The following EFCAB6 variants were observed in gnomAD, a reference collection of about 807,000 sequenced individuals.
The protein encoded by EFCAB6 is EF-hand calcium-binding domain-containing protein 6.
Under a neutral mutation model 169.8 loss-of-function variants are expected in EFCAB6, and 156 were observed. That is an observed-to-expected ratio of 0.92 (90% CI 0.81 to 1.05). EFCAB6 has a LOEUF of 1.05. Among genes scored for constraint, EFCAB6 ranks in the 50% least tolerant of loss-of-function variants. The probability of loss-of-function intolerance (pLI) is 0.00; values close to 1 mark genes in which losing one functional copy is unlikely to be tolerated. For synonymous variants in EFCAB6, 698 were observed against 676.4 expected (o/e 1.03, Z -0.50); for missense variants, 1,800 against 1,829.1 (o/e 0.98, Z 0.29).
chr22:43,575,724 C>T (rs2050210781), intron 26 of EFCAB6, among the ~76,000 whole-genome samples: 1 of 152,014 alleles, frequency 6.6e-6, no homozygotes, highest in Admixed American at 6.6e-5. Flanking sequence ...GTTTAGGAAC[C>T]TGGAGTCAGG....
intron 1 of EFCAB6, among the ~76,000 whole-genome samples, chr22:43,810,495 C>A (rs1195746411): frequency 6.6e-6 from 1 of 152,168 alleles, no homozygotes; most frequent in Non-Finnish European, 1.5e-5. Context: ...CAGTTGTTAA[C>A]AACTGCCTTG....
intron 10 of EFCAB6, among the ~76,000 whole-genome samples, chr22:43,710,096 A>G (rs1226061282): frequency 6.6e-6 from 1 of 152,200 alleles, no homozygotes. Flanking sequence ...TTTCCCCCCA[A>G]AAAAGGTTCT....
chr22:43,708,335 G>A (rs917770303), intron 10 of EFCAB6, among the ~76,000 whole-genome samples: 3 of 152,042 alleles, frequency 2.0e-5, no homozygotes, highest in Non-Finnish European at 4.4e-5. Context: ...GAACACGGGA[G>A]GGAGAGGCTG....
chr22:43,576,753 G>A (rs1203535416), intron 25 of EFCAB6, among the ~76,000 whole-genome samples: 1 of 152,176 alleles, frequency 6.6e-6, no homozygotes, highest in Admixed American at 6.5e-5. Context: ...AGAATAAAGA[G>A]GAATCCTGGC....
intron 27 of EFCAB6, chr22:43,553,485 G>T (rs1446508526): frequency 6.6e-6 from 1 of 152,374 alleles, no homozygotes; most frequent in Non-Finnish European, 1.5e-5. Context: ...TCAGCCACGG[G>T]GCTGCCGAGG....
At chr22:43,701,934 A>C (rs2058780459) in intron 10 of EFCAB6, among the ~76,000 whole-genome samples, 1 of 152,168 alleles carries the variant, frequency 6.6e-6, no homozygotes, top group African/African-American at 2.4e-5. Flanking sequence ...ATGACAGAAA[A>C]GGGTTACCTT....
chr22:43,610,197 A>G (rs1344472147), intron 21 of EFCAB6, among the ~76,000 whole-genome samples: 1 of 152,236 alleles, frequency 6.6e-6, no homozygotes, highest in Non-Finnish European at 1.5e-5. Context: ...ATATTTATCA[A>G]AAGACATCAT....
chr22:43,785,696 G>C (rs568864528), intron 2 of EFCAB6, among the ~76,000 whole-genome samples: 2 of 152,104 alleles, frequency 1.3e-5, no homozygotes, highest in Admixed American at 6.5e-5. Context: ...TAGAAAAATA[G>C]ACAAAACTAA....
chr22:43,566,935 A>G (rs1251996976), intron 26 of EFCAB6, among the ~76,000 whole-genome samples: 1 of 152,086 alleles, frequency 6.6e-6, no homozygotes, highest in African/African-American at 2.4e-5. Context: ...GGCCATGCCC[A>G]AAGTGTGGTG....
chr22:43,611,381 C>A (rs2147659545), intron 21 of EFCAB6, among the ~76,000 whole-genome samples: 1 of 152,302 alleles, frequency 6.6e-6, no homozygotes. Context: ...ATTCCATGCT[C>A]ATGGATTGGG....
chr22:43,776,705 C>T (rs950166584), intron 3 of EFCAB6, among the ~76,000 whole-genome samples: 13 of 152,194 alleles, frequency 8.5e-5, no homozygotes, highest in African/African-American at 2.4e-4. Context: ...CTGGAGTGGA[C>T]GGTGTGGCAC....
chr22:43,693,073 G>A (rs1399095937), intron 10 of EFCAB6, among the ~76,000 whole-genome samples: 1 of 152,138 alleles, frequency 6.6e-6, no homozygotes, highest in Admixed American at 6.5e-5. Flanking sequence ...GTGGAAAGAT[G>A]TGGAACAATG....
At position 43,711,504 on chromosome 22, in the gene EFCAB6, T is replaced by C; in HGVS notation, c.1002A>G (p.Pro334=). 6.3e-7 allele frequency: 1 copy of C among 1,585,318 alleles called. No individual in the cohort carries two copies. Among genetic ancestry groups the C allele is most frequent in the East Asian group, 2.3e-5 (1 of 44,244 alleles). ...IVLDTFVYQI[P]RRIFIQLMKR... ...TCATTAACTGGATAAAAATTCTTCT[T>C]GGTATTTGGTATACAAAAGTGTCGA... Residue 334 remains proline (P), a synonymous_variant, in exon 10 of 32, where the codon CCA becomes CCG. Transcript: ENST00000262726.
rs1354489982 is a variant in EFCAB6, at chr22:43,744,313, TAG to T, written c.508-8322_508-8321del. On this transcript the variant is annotated intron_variant, in intron 6 of 31. Coordinates refer to ENST00000262726, the MANE Select transcript of EFCAB6 (RefSeq NM_022785.4). The surrounding 1 kb of genome is among the most constrained non-coding windows in gnomAD (Gnocchi z 4.3). ...AGATTGCAAGCCAAGACAATCCTTG[TAG>T]AGACAGGACAGGAACCTGCAAAAAG... Among the ~76,000 whole-genome samples the T allele has an allele frequency of 1.5e-4, 23 of 152,162 alleles. No homozygotes were observed. The highest frequency in any genetic ancestry group is 4.4e-5 in the Non-Finnish European group (3 of 68,008).
chr22:43,580,665 C>G lies in EFCAB6; in HGVS notation c.3033-6G>C. The G allele has an allele frequency of 6.2e-7, 1 of 1,613,022 alleles. No individual in the cohort carries two copies. The highest frequency in any genetic ancestry group is 8.5e-7 in the Non-Finnish European group (1 of 1,179,698). ...CATGCCGGCTGACTCCCCAACTTGTCCCAAAAGGAAGAAAAGAACATATTC... is the reference window on the plus strand; with the variant it reads ...CATGCCGGCTGACTCCCCAACTTGTGCCAAAAGGAAGAAAAGAACATATTC... On this transcript the variant is annotated splice_polypyrimidine_tract_variant and splice_region_variant and intron_variant, in intron 24 of 31. Transcript: ENST00000262726.
intron 25 of EFCAB6, among the ~76,000 whole-genome samples, chr22:43,577,195 T>G (rs186574313): frequency 1.4e-4 from 22 of 152,316 alleles, no homozygotes; most frequent in African/African-American, 4.6e-4. Flanking sequence ...AAATGTGCTA[T>G]AAAAAGAAAG....
chr22:43,640,288 C>G (rs2055711526), intron 17 of EFCAB6, among the ~76,000 whole-genome samples: 1 of 152,062 alleles, frequency 6.6e-6, no homozygotes, highest in Admixed American at 6.6e-5. Flanking sequence ...TGTTATAAAT[C>G]TTTATATCTA....
intron 20 of EFCAB6, among the ~76,000 whole-genome samples, chr22:43,618,210 GAAAGAAAGAAA>G (rs2053866710): frequency 7.1e-6 from 1 of 141,002 alleles, no homozygotes; most frequent in Non-Finnish European, 1.6e-5. Flanking sequence ...AAGAAAGAAA[GAAAGAAAGAAA>G]GAGAAAGAAA....
Position 43,746,868 on chromosome 22 carries a change from G to C in EFCAB6, c.507+8898C>G, listed in dbSNP as rs1011938164. Among the ~76,000 whole-genome samples the C allele has an allele frequency of 7.2e-5, 11 of 152,062 alleles. No homozygotes were observed. The South Asian group carries it at 2.1e-3, about 29-fold the overall frequency. On this transcript the variant is annotated intron_variant, in intron 6 of 31. Transcript: ENST00000262726. ...ATGGGTACTCCACCTCAGCTGCCAC[G>C]GGCCAAGAATCTTGGGGCCCCTAAG... is the stretch of plus-strand genomic sequence containing the variant.
Sources: gnomAD v4.1 joint callset for allele counts (sites outside exome capture counted in the v4.1 genomes callset) on GRCh38, gnomAD v4.1.1 for gene constraint, Gnocchi (gnomAD v3.1) non-coding constraint, MANE v1.5 for transcripts, NCBI Gene and HGNC (gene_info 2026-07-23, HGNC 2026-07-21) for gene names.